The following PKHD1L1 variants were observed in gnomAD, a reference collection of about 807,000 sequenced individuals.
PKHD1L1 encodes the protein fibrocystin-L.
Under a neutral mutation model 462.9 loss-of-function variants are expected in PKHD1L1, and 434 were observed. The observed-to-expected ratio is 0.94, with a 90% CI of 0.87 to 1.02. PKHD1L1 has a LOEUF of 1.02. PKHD1L1 is among the 50% of genes least tolerant of loss of function. The probability of loss-of-function intolerance (pLI) is 0.00; values close to 1 mark genes in which losing one functional copy is unlikely to be tolerated. For synonymous variants in PKHD1L1, 1,781 were observed against 1,750.0 expected (o/e 1.02, Z -0.44); for missense variants, 5,202 against 5,096.1 (o/e 1.02, Z -0.63).
In PKHD1L1 at chr8:109,530,965, A is replaced by G. The variant is rs1163923984; in HGVS notation, c.*875A>G. ...ATAAATTAGAGAATGCAAAAAAGCT[A>G]CAGACTAAGGTAGCTAAGTTAACCG... On this transcript the variant is annotated 3_prime_UTR_variant, in exon 78 of 78. Transcript: ENST00000378402. Among the ~76,000 whole-genome samples, 1 of 152,234 alleles carries G rather than the reference A, an allele frequency of 6.6e-6. No homozygotes were observed.
chr8:109,437,317 A>C (rs1815478329), intron 30 of PKHD1L1, among the ~76,000 whole-genome samples: 1 of 152,186 alleles, frequency 6.6e-6, no homozygotes, highest in Admixed American at 6.5e-5. Context: ...TCTTAGAATC[A>C]ATCATTATTC....
At chr8:109,384,417 C>T (rs938423134) in intron 5 of PKHD1L1, among the ~76,000 whole-genome samples, 2 of 151,880 alleles carry the variant, frequency 1.3e-5, no homozygotes, top group African/African-American at 4.8e-5. Context: ...GTGGCAAGCA[C>T]CTTTAGTCCC....
At chr8:109,461,616 A>G (rs1020442862) in intron 47 of PKHD1L1, among the ~76,000 whole-genome samples, 156 bp from the exon 48 acceptor site, 2 of 152,166 alleles carry the variant, frequency 1.3e-5, no homozygotes, top group Non-Finnish European at 2.9e-5. Flanking sequence ...CTATCTTGCT[A>G]TCTAAAAGAG....
chr8:109,449,200 C>A, intron 39 of PKHD1L1, 138 bp from the exon 40 acceptor site: 1 of 723,210 alleles, frequency 1.4e-6, no homozygotes, highest in Non-Finnish European at 2.1e-6. Flanking sequence ...TAGAATAATG[C>A]ACTATAATTT....
At chr8:109,411,797 C>T (rs1373790846) in intron 19 of PKHD1L1, among the ~76,000 whole-genome samples, 1 of 152,190 alleles carries the variant, frequency 6.6e-6, no homozygotes. Flanking sequence ...TCCCCTGAGT[C>T]ATCTTTCTTG....
chr8:109,490,088 AAAAATATGC>A, intron 60 of PKHD1L1, 33 bp downstream of exon 60: 1 of 1,269,848 alleles, frequency 7.9e-7, no homozygotes, highest in Non-Finnish European at 1.1e-6. Context: ...TGTGTATATT[AAAAATATGC>A]AAAATATTTT....
In PKHD1L1 at chr8:109,507,685, G is replaced by A; in HGVS notation, c.11017G>A (p.Val3673Ile). ...DISKVNPSDC[V>I]DMVCDAKRKS... The stretch of plus-strand genomic sequence containing the variant: ...CAGTAAGGTCAATCCATCTGATTGT[G>A]TAGACATGGTTTGTGATGCCAAGAG... The change falls in exon 69 of 78, where the codon GTA becomes ATA. Residue 3673 changes from valine (V) to isoleucine (I), a missense_variant. Physicochemically the swap from Val to Ile is conservative, Grantham distance 29. Transcript: ENST00000378402. The A allele has an allele frequency of 3.7e-6, 6 of 1,613,220 alleles. No homozygotes were observed. Among genetic ancestry groups the A allele is most frequent in the Non-Finnish European group, 5.1e-6 (6 of 1,179,442 alleles).
At position 109,429,993 on chromosome 8, in the gene PKHD1L1, A is replaced by T. The variant is rs781519312; in HGVS notation, c.3185A>T (p.Asp1062Val). Residue 1062 changes from aspartate to valine, a missense_variant, in exon 27 of 78, where the codon GAT becomes GTT. By Grantham distance (152) the Asp-to-Val change is radical (BLOSUM62 -3). Transcript: ENST00000378402. Reference sequence around the variant, plus strand: ...TCAGGTGACTGTGGATTTACATGGGATTCCAACATTACTCCCCTAGTCTTG... The same window carrying T: ...TCAGGTGACTGTGGATTTACATGGGTTTCCAACATTACTCCCCTAGTCTTG... The part of the protein sequence containing the change: ...KCSGDCGFTW[D>V]SNITPLVLAI... 1 of 1,611,642 alleles carries T rather than the reference A, an allele frequency of 6.2e-7. No individual in the cohort carries two copies. The highest frequency in any genetic ancestry group is 1.1e-5 in the South Asian group (1 of 90,598).
intron 68 of PKHD1L1, among the ~76,000 whole-genome samples, chr8:109,505,741 A>G (rs1364232643): frequency 6.6e-6 from 1 of 151,784 alleles, no homozygotes; most frequent in East Asian, 1.9e-4. Flanking sequence ...TCTACAAAAA[A>G]TTAAAAAATA....
chr8:109,483,157 GA>G (rs34482021), intron 57 of PKHD1L1, 52 bp downstream of exon 57: 1 of 1,317,428 alleles, frequency 7.6e-7, no homozygotes, highest in Non-Finnish European at 1.0e-6. Flanking sequence ...TGGGTCAGCT[GA>G]AAAAAGTTTC....
chr8:109,507,745 C>T lies in PKHD1L1; in HGVS notation c.11077C>T (p.Leu3693=). 6.2e-7 allele frequency: 1 copy of T among 1,613,416 alleles called. No homozygotes were observed. The highest frequency in any genetic ancestry group is 1.1e-5 in the South Asian group (1 of 91,064). ...SFLRDIDGSF[L]GNAGSVIPQA... ...TCTTAGAGACATAGATGGCTCCTTT[C>T]TGGGGAATGCTGGTTCTGTGATACC... Residue 3693 remains leucine (L), a synonymous_variant, in exon 69 of 78, where the codon CTG becomes TTG. Coordinates refer to ENST00000378402, the MANE Select transcript of PKHD1L1 (RefSeq NM_177531.6).
In PKHD1L1 at chr8:109,456,468, T is replaced by A. The variant is rs796543467; in HGVS notation, c.7004+77T>A. 3.6e-6 allele frequency: 5 copies of A among 1,371,266 alleles called. No homozygotes were observed. The African/African-American group carries it at 7.3e-5, about 20-fold the overall frequency. The allele number at this position is 1,371,266 out of a possible 1,614,324, so 84.9% of individuals were successfully genotyped here. On this transcript the variant is annotated intron_variant, in intron 46 of 77. Transcript: ENST00000378402. The stretch of plus-strand genomic sequence containing the variant: ...ACTGTATAAAGAGGGACAATTCAGA[T>A]GGTGCATGACTATTTGGTTTAAACT...
chr8:109,530,124 T>C lies in PKHD1L1; in HGVS notation c.*34T>C. The C allele has an allele frequency of 3.1e-6, 4 of 1,280,070 alleles. No individual in the cohort carries two copies. The highest frequency in any genetic ancestry group is 2.0e-6 in the Non-Finnish European group (2 of 977,976). 79.3% of individuals were successfully genotyped at this position (1,280,070 alleles called of 1,614,324 possible). ...TCCGAAGAATAGGCTGAAACAAAAA[T>C]ATAAGAATTATTAGCTACTTTGTTG... On this transcript the variant is annotated 3_prime_UTR_variant, in exon 78 of 78. Coordinates refer to ENST00000378402, the MANE Select transcript of PKHD1L1 (RefSeq NM_177531.6).
At chr8:109,364,335 G>C (rs925215046) in intron 1 of PKHD1L1, among the ~76,000 whole-genome samples, 2 of 152,200 alleles carry the variant, frequency 1.3e-5, no homozygotes, top group Non-Finnish European at 2.9e-5. Context: ...ACCTAAGATA[G>C]TGCTTTGCAC....
chr8:109,536,011 G>C lies in PKHD1L1; in HGVS notation c.*5921G>C, dbSNP rs1821140018. On this transcript the variant is annotated 3_prime_UTR_variant, in exon 78 of 78. Coordinates refer to ENST00000378402, the MANE Select transcript of PKHD1L1 (RefSeq NM_177531.6). Reference sequence around the variant, plus strand: ...GGGAACAAAGAAGGTAGAAGCGGGGGTATGGAGGGTTGACTTCTGGCTGTC... The same window carrying C: ...GGGAACAAAGAAGGTAGAAGCGGGGCTATGGAGGGTTGACTTCTGGCTGTC... Among the ~76,000 whole-genome samples, 1 of 152,184 alleles carries C rather than the reference G, an allele frequency of 6.6e-6. No individual in the cohort carries two copies. Among genetic ancestry groups the C allele is most frequent in the Non-Finnish European group, 1.5e-5 (1 of 68,024 alleles).
chr8:109,456,686 T>C (rs1254884046), intron 46 of PKHD1L1, among the ~76,000 whole-genome samples: 1 of 152,126 alleles, frequency 6.6e-6, no homozygotes, highest in African/African-American at 2.4e-5. Flanking sequence ...TAAGAATCTA[T>C]TTGGAAAAAA....
intron 57 of PKHD1L1, among the ~76,000 whole-genome samples, chr8:109,484,064 A>G (rs1196155737): frequency 6.6e-6 from 1 of 151,908 alleles, no homozygotes; most frequent in Non-Finnish European, 1.5e-5. Flanking sequence ...CAGAACAAAG[A>G]GAGCCTTAGT....
chr8:109,367,670 G>A (rs546555479), intron 2 of PKHD1L1, among the ~76,000 whole-genome samples: 1 of 152,338 alleles, frequency 6.6e-6, no homozygotes, highest in South Asian at 2.1e-4. Flanking sequence ...ATCACTTGAG[G>A]CCAGGAGTTT....
rs757793973 is a variant in PKHD1L1, at chr8:109,408,218, GA to G, written c.1971+14del. The G allele has an allele frequency of 6.2e-7, 1 of 1,605,702 alleles. No individual in the cohort carries two copies. Among genetic ancestry groups the G allele is most frequent in the Admixed American group, 1.7e-5 (1 of 59,442 alleles). ...CATCAGAAGCTGAAGTACGGTGTAGGAATGTTTCTACCACGCATTTTCCCTG... is the reference window on the plus strand; with the variant it reads ...CATCAGAAGCTGAAGTACGGTGTAGGATGTTTCTACCACGCATTTTCCCTG... On this transcript the variant is annotated intron_variant, in intron 18 of 77. Transcript: ENST00000378402.
Sources: gnomAD v4.1 joint callset for allele counts (sites outside exome capture counted in the v4.1 genomes callset) on GRCh38, gnomAD v4.1.1 for gene constraint, MANE v1.5 for transcripts, NCBI Gene and HGNC (gene_info 2026-07-23, HGNC 2026-07-21) for gene names.